Variants in SHISAL2B observed in about 807,000 individuals in gnomAD.
SHISAL2B encodes the protein protein shisa-like-2B.
A neutral mutation model predicts 16.5 loss-of-function variants in SHISAL2B; 12 were observed. That is an observed-to-expected ratio of 0.73 (90% CI 0.47 to 1.18). SHISAL2B has a LOEUF of 1.18. Among genes scored for constraint, SHISAL2B ranks in the 50% most tolerant of loss-of-function variants. The pLI is 0.00. For missense variants in SHISAL2B, 183 were observed against 193.6 expected, an observed-to-expected ratio of 0.95 and a Z score of 0.33; for synonymous variants, 72 against 75.0, an observed-to-expected ratio of 0.96 and a Z score of 0.21.
chr5:64,703,147 A>C (rs1223277255), intron 2 of SHISAL2B, among the ~76,000 whole-genome samples: 1 of 152,218 alleles, frequency 6.6e-6, no homozygotes, highest in Non-Finnish European at 1.5e-5. Context: ...TTTGTACTAA[A>C]TTTATAAAGA....
intron 1 of SHISAL2B, among the ~76,000 whole-genome samples, chr5:64,692,968 A>C (rs1741674486): frequency 6.6e-6 from 1 of 151,842 alleles, no homozygotes; most frequent in Admixed American, 6.6e-5. Context: ...CTTTTCTGAG[A>C]GTTAATACCT....
At chr5:64,709,300 T>A (rs1435514585) in intron 2 of SHISAL2B, among the ~76,000 whole-genome samples, 1 of 151,366 alleles carries the variant, frequency 6.6e-6, no homozygotes, top group Non-Finnish European at 1.5e-5. Flanking sequence ...TGGTTTTTTG[T>A]TCTTGCGATA....
At chr5:64,693,093 C>T (rs1205495675) in intron 1 of SHISAL2B, among the ~76,000 whole-genome samples, 4 of 151,900 alleles carry the variant, frequency 2.6e-5, no homozygotes, top group African/African-American at 7.3e-5. Flanking sequence ...CTGCAACCTT[C>T]GCCTTCCGGG....
intron 2 of SHISAL2B, among the ~76,000 whole-genome samples, chr5:64,716,191 C>T (rs1222954548): frequency 6.6e-6 from 1 of 152,194 alleles, no homozygotes; most frequent in Non-Finnish European, 1.5e-5. Flanking sequence ...TTTCTTCACT[C>T]ACTAAAAGGT....
intron 2 of SHISAL2B, among the ~76,000 whole-genome samples, chr5:64,708,555 C>A (rs1354450465): frequency 1.3e-5 from 2 of 152,086 alleles, no homozygotes; most frequent in Admixed American, 6.5e-5. Flanking sequence ...ATCTTAAAAA[C>A]AATCCATACA....
chr5:64,692,025 C>G (rs1431967293), intron 1 of SHISAL2B, among the ~76,000 whole-genome samples: 2 of 152,248 alleles, frequency 1.3e-5, no homozygotes, highest in Middle Eastern at 3.4e-3. Context: ...AAAGGAGTGC[C>G]TACCTTCCAG....
chr5:64,711,441 A>T (rs1181542082), intron 2 of SHISAL2B, among the ~76,000 whole-genome samples: 3 of 146,688 alleles, frequency 2.0e-5, no homozygotes, highest in Non-Finnish European at 4.5e-5. Context: ...TCGGTTTGCC[A>T]GTATTTTATT....
At chr5:64,704,464 G>GAA (rs1406294646) in intron 2 of SHISAL2B, among the ~76,000 whole-genome samples, 1 of 152,206 alleles carries the variant, frequency 6.6e-6, no homozygotes, top group Non-Finnish European at 1.5e-5. Context: ...TAGGATTAAA[G>GAA]AAAGGTTGAA....
intron 2 of SHISAL2B, among the ~76,000 whole-genome samples, chr5:64,714,669 C>T (rs1370411428): frequency 1.3e-5 from 2 of 152,188 alleles, no homozygotes; most frequent in African/African-American, 4.8e-5. Flanking sequence ...TGATCTCAGA[C>T]TGCTGTGCTA....
intron 2 of SHISAL2B, among the ~76,000 whole-genome samples, chr5:64,715,258 T>C (rs1742029380): frequency 6.6e-6 from 1 of 151,844 alleles, no homozygotes. Flanking sequence ...CCAGGAAGTA[T>C]TAGCATACTT....
At chr5:64,694,873 A>G (rs1454065269) in intron 1 of SHISAL2B, among the ~76,000 whole-genome samples, 2 of 152,186 alleles carry the variant, frequency 1.3e-5, no homozygotes, top group African/African-American at 4.8e-5. Context: ...TATATTAATA[A>G]TAGAGATTTA....
rs1209704123 is a variant in SHISAL2B, at chr5:64,718,149, T to C, written c.*127T>C. The C allele has an allele frequency of 7.2e-6, 5 of 694,004 alleles. No homozygotes were observed. The highest frequency in any genetic ancestry group is 1.1e-5 in the Non-Finnish European group (5 of 465,266). The allele number at this position is 694,004 out of a possible 1,614,324, so 43.0% of individuals were successfully genotyped here. A position where few individuals can be genotyped will look rare whatever the true frequency, so the allele number is the denominator to read the frequency against. ...CTCACAAAGCAAGACACAGCTGCAT[T>C]TTTGATCATTCAGTTACTTTATTAA... On this transcript the variant is annotated 3_prime_UTR_variant, in exon 3 of 3. Coordinates refer to ENST00000389074, the MANE Select transcript of SHISAL2B (RefSeq NM_001164442.2).
intron 2 of SHISAL2B, among the ~76,000 whole-genome samples, chr5:64,696,909 C>A (rs1741745233): frequency 6.6e-6 from 1 of 152,108 alleles, no homozygotes; most frequent in Non-Finnish European, 1.5e-5. Flanking sequence ...CTTTGTTCTC[C>A]TTTTTGCCCT....
At position 64,690,529 on chromosome 5, in the gene SHISAL2B, C is replaced by A; in HGVS notation, c.-95C>A. The A allele has an allele frequency of 9.4e-7, 1 of 1,061,196 alleles. No individual in the cohort carries two copies. The highest frequency in any genetic ancestry group is 1.3e-6 in the Non-Finnish European group (1 of 794,092). The allele number at this position is 1,061,196 out of a possible 1,614,324, so 65.7% of individuals were successfully genotyped here. ...GAGCCCAGATCGGAAGAGCCGAGTC[C>A]GGGCAGAGGGGTCCGCGGGCTCTGG... On this transcript the variant is annotated 5_prime_UTR_variant, in exon 1 of 3. Transcript: ENST00000389074.
intron 1 of SHISAL2B, among the ~76,000 whole-genome samples, chr5:64,693,297 G>A (rs575734532): frequency 4.1e-4 from 62 of 152,200 alleles, no homozygotes; most frequent in Admixed American, 5.9e-4. Flanking sequence ...GTGAGCCACC[G>A]CGCCCAGCCA....
chr5:64,704,963 A>C (rs1165335783), intron 2 of SHISAL2B, among the ~76,000 whole-genome samples: 2 of 152,188 alleles, frequency 1.3e-5, no homozygotes, highest in Non-Finnish European at 2.9e-5. Context: ...AACCTGCAGG[A>C]AGAGAGAACG....
rs556396738 is a variant in SHISAL2B, at chr5:64,714,544, T to C, written c.350-3345T>C. On this transcript the variant is annotated intron_variant, in intron 2 of 2. Coordinates refer to ENST00000389074, the MANE Select transcript of SHISAL2B (RefSeq NM_001164442.2). ...TGGAGCCTACAGAGGCAGGCAGGCC[T>C]CCTTGAGCTGTGGTGGGCTCCACCC... Among the ~76,000 whole-genome samples the C allele has an allele frequency of 3.3e-5, 5 of 152,092 alleles. No homozygotes were observed. In the East Asian group the frequency reaches 7.8e-4, roughly 24 times the overall value.
intron 2 of SHISAL2B, among the ~76,000 whole-genome samples, chr5:64,705,294 G>A (rs1211904869): frequency 6.6e-6 from 1 of 152,062 alleles, no homozygotes; most frequent in South Asian, 2.1e-4. Context: ...ATCAGAATGG[G>A]GATGACTTAG....
intron 1 of SHISAL2B, among the ~76,000 whole-genome samples, chr5:64,692,194 A>G (rs1741661244): frequency 6.6e-6 from 1 of 152,216 alleles, no homozygotes; most frequent in Non-Finnish European, 1.5e-5. Flanking sequence ...TCTCTGGGTC[A>G]TTGGAGGCGT....
Sources: gnomAD v4.1 joint callset for allele counts (sites outside exome capture counted in the v4.1 genomes callset) on GRCh38, gnomAD v4.1.1 for gene constraint, MANE v1.5 for transcripts, NCBI Gene and HGNC (gene_info 2026-07-23, HGNC 2026-07-21) for gene names.